Variants in PREX1 observed in about 807,000 individuals in gnomAD.
PREX1 encodes phosphatidylinositol 3,4,5-trisphosphate-dependent Rac exchanger 1 protein.
Under a neutral mutation model 198.3 loss-of-function variants are expected in PREX1, and 41 were observed. The observed-to-expected ratio is 0.21, with a 90% CI of 0.16 to 0.27. The LOEUF (loss-of-function observed/expected upper bound fraction) is 0.27, where lower values mean the gene tolerates loss of function less well. Among genes scored for constraint, PREX1 ranks in the 10% least tolerant of loss-of-function variants. The pLI, the probability that PREX1 is intolerant of heterozygous loss-of-function variation, is 1.00. For missense variants in PREX1, 1,620 were observed against 2,200.7 expected, an observed-to-expected ratio of 0.74 and a Z score of 5.28; for synonymous variants, 843 against 887.2, an observed-to-expected ratio of 0.95 and a Z score of 0.89.
In PREX1 at chr20:48,650,998, T is replaced by G; in HGVS notation, c.2713A>C (p.Met905Leu). 3 of 1,614,190 alleles carry G rather than the reference T, an allele frequency of 1.9e-6. No homozygotes were observed. The highest frequency in any genetic ancestry group is 1.1e-5 in the South Asian group (1 of 91,086). ...GTCACGATGGCGCTGCTCAGGGCCATGAGCCGCCTGCAGTTCTCCACGAAG... is the reference window on the plus strand; with the variant it reads ...GTCACGATGGCGCTGCTCAGGGCCAGGAGCCGCCTGCAGTTCTCCACGAAG... ...SVFVENCRRL[M>L]ALSSAIVTMP... Residue 905 changes from methionine (M) to leucine (L), a missense_variant, in exon 23 of 40, where the codon ATG becomes CTG. By Grantham distance (15) the Met-to-Leu change is conservative. Around this residue, in one of 7 missense-constraint regions of PREX1, gnomAD observed 514 missense variants for 611.6 expected, o/e 0.84. Coordinates refer to ENST00000371941, the MANE Select transcript of PREX1 (RefSeq NM_020820.4).
chr20:48,637,611 C>T (rs1205338728), intron 31 of PREX1, 100 bp downstream of exon 31: 4 of 1,239,842 alleles, frequency 3.2e-6, no homozygotes, highest in East Asian at 5.2e-5. Context: ...CAGGCCAAAG[C>T]GTTGCCTCCC....
At chr20:48,699,373 G>A (rs573184764) in intron 7 of PREX1, among the ~76,000 whole-genome samples, 1 of 152,296 alleles carries the variant, frequency 6.6e-6, no homozygotes, top group Non-Finnish European at 1.5e-5. Context: ...AAGTGCTGCA[G>A]GGGTCAGCTG....
At chr20:48,732,290 T>G (rs1190259579) in intron 4 of PREX1, among the ~76,000 whole-genome samples, 1 of 152,122 alleles carries the variant, frequency 6.6e-6, no homozygotes. Context: ...CCAAGCAACA[T>G]GAACTCACTT....
chr20:48,817,970 G>GA (rs1186686231), intron 1 of PREX1, among the ~76,000 whole-genome samples: 8 of 151,998 alleles, frequency 5.3e-5, no homozygotes, highest in Non-Finnish European at 8.8e-5. Context: ...TAGCTAGTGG[G>GA]AAAAAAACAA....
At chr20:48,648,715 T>C (rs922041026) in intron 25 of PREX1, among the ~76,000 whole-genome samples, 1 of 152,162 alleles carries the variant, frequency 6.6e-6, no homozygotes, top group African/African-American at 2.4e-5. Flanking sequence ...TCTCCAGCAG[T>C]TCCTCTTCCC....
In PREX1 at chr20:48,666,594, C is replaced by T. The variant is rs998705830; in HGVS notation, c.1666-239G>A. ...AGGCTGGAGTGCAGTGGCACGATCTCGGCTTACTGCAAGCTCCACCTCCTG... is the reference window on the plus strand; with the variant it reads ...AGGCTGGAGTGCAGTGGCACGATCTTGGCTTACTGCAAGCTCCACCTCCTG... On this transcript the variant is annotated intron_variant, in intron 14 of 39. Transcript: ENST00000371941. The surrounding 1 kb of genome is among the most constrained non-coding windows in gnomAD (Gnocchi z 4.3). Among the ~76,000 whole-genome samples the T allele has an allele frequency of 6.6e-6, 1 of 152,158 alleles. No homozygotes were observed. The highest frequency in any genetic ancestry group is 1.5e-5 in the Non-Finnish European group (1 of 68,028).
chr20:48,819,263 C>T (rs1436079037), intron 1 of PREX1, among the ~76,000 whole-genome samples: 1 of 152,166 alleles, frequency 6.6e-6, no homozygotes, highest in Non-Finnish European at 1.5e-5. Context: ...TCTCATCTCC[C>T]TTACTCTCCC....
chr20:48,636,463 CACT>C lies in PREX1; in HGVS notation c.4164_4166del (p.Val1389del). 1.2e-6 allele frequency: 2 copies of C among 1,602,694 alleles called. No homozygotes were observed. Among genetic ancestry groups the C allele is most frequent in the Non-Finnish European group, 1.7e-6 (2 of 1,177,338 alleles). On this transcript the variant is annotated inframe_deletion and splice_region_variant, in exon 32 of 40. Coordinates refer to ENST00000371941, the MANE Select transcript of PREX1 (RefSeq NM_020820.4). ...CCGCCCTCCCGCCCCACTCACTCAC[CACT>C]GTGGCTGGCGAGAGCAGGGACTGGC...
intron 1 of PREX1, among the ~76,000 whole-genome samples, chr20:48,754,732 C>G (rs1285864352): frequency 1.3e-5 from 2 of 151,654 alleles, no homozygotes; most frequent in Non-Finnish European, 2.9e-5. Context: ...CTCCAGAACA[C>G]AGCCAAGACA....
At chr20:48,727,975 GCTCA>G (rs539014947) in intron 4 of PREX1, among the ~76,000 whole-genome samples, 60 of 152,254 alleles carry the variant, frequency 3.9e-4, no homozygotes, top group African/African-American at 1.4e-3. Flanking sequence ...GGTCCCTCAG[GCTCA>G]CTATGTGCCC....
At chr20:48,689,959 G>A (rs2089808787) in intron 9 of PREX1, among the ~76,000 whole-genome samples, 1 of 152,176 alleles carries the variant, frequency 6.6e-6, no homozygotes, top group Non-Finnish European at 1.5e-5. Flanking sequence ...AGAGTTACAG[G>A]GACTTGTTGA....
chr20:48,869,679 A>G, the PREX1 span, among the ~76,000 whole-genome samples: 2 of 152,198 alleles, frequency 1.3e-5, no homozygotes, highest in African/African-American at 4.8e-5. Context: ...AAAGAATAAG[A>G]TCATGTCCTT....
chr20:48,838,284 T>C, the PREX1 span, among the ~76,000 whole-genome samples: 1 of 152,250 alleles, frequency 6.6e-6, no homozygotes, highest in African/African-American at 2.4e-5. Context: ...TTTCCCTATG[T>C]GTTCTCTGTT....
intron 6 of PREX1, among the ~76,000 whole-genome samples, chr20:48,703,502 T>TCATGA (rs1488903982): frequency 6.6e-6 from 1 of 152,170 alleles, no homozygotes; most frequent in Non-Finnish European, 1.5e-5. Flanking sequence ...TGGGGCTTCA[T>TCATGA]CATGGCCCAT....
chr20:48,730,384 C>A (rs1019438741), intron 4 of PREX1, among the ~76,000 whole-genome samples: 3 of 151,454 alleles, frequency 2.0e-5, no homozygotes, highest in Non-Finnish European at 4.4e-5. Flanking sequence ...ACAGAGCGAT[C>A]CTACAGACAT....
chr20:48,626,439 T>C (rs1057273017), intron 39 of PREX1, among the ~76,000 whole-genome samples: 1 of 152,250 alleles, frequency 6.6e-6, no homozygotes, highest in African/African-American at 2.4e-5. Context: ...CTTTTCCATT[T>C]ACTAGCTGTG....
At chr20:48,632,756 TG>T (rs2089325716) in intron 33 of PREX1, 117 bp from the exon 34 acceptor site, 7 of 1,139,440 alleles carry the variant, frequency 6.1e-6, no homozygotes, top group Non-Finnish European at 8.8e-6. Flanking sequence ...GGGGGCACCC[TG>T]GGACCTCCCT....
chr20:48,657,792 G>A (rs2089556869), intron 17 of PREX1, among the ~76,000 whole-genome samples: 1 of 152,074 alleles, frequency 6.6e-6, no homozygotes, highest in African/African-American at 2.4e-5. Flanking sequence ...CCTCCTGTAG[G>A]CTTTGCATCA....
chr20:48,645,030 G>C (rs567376759), intron 26 of PREX1, among the ~76,000 whole-genome samples: 1 of 152,376 alleles, frequency 6.6e-6, no homozygotes, highest in Admixed American at 6.5e-5. Context: ...AAATCCCAGA[G>C]AGAGGGCAAA....
Sources: allele counts gnomAD v4.1 joint callset (sites outside exome capture counted in the v4.1 genomes callset), GRCh38; gene constraint gnomAD v4.1.1; regional missense constraint gnomAD v4.1.1; non-coding constraint Gnocchi (gnomAD v3.1); transcripts MANE v1.5; gene names NCBI Gene and HGNC (gene_info 2026-07-23, HGNC 2026-07-21).